Variants in MYO1E observed in about 807,000 individuals in gnomAD.
MYO1E encodes unconventional myosin-Ie.
In MYO1E, 68 loss-of-function variants were observed where a neutral mutation model predicts 151.1. That is an observed-to-expected ratio of 0.45 (90% CI 0.37 to 0.55). The LOEUF is 0.55. Among genes scored for constraint, MYO1E ranks in the 20% least tolerant of loss-of-function variants. The probability of loss-of-function intolerance (pLI) is 0.00; values close to 1 mark genes in which losing one functional copy is unlikely to be tolerated. For missense variants in MYO1E, 1,363 were observed against 1,389.3 expected (o/e 0.98, Z 0.30); for synonymous variants, 601 against 501.7 (o/e 1.20, Z -2.64).
chr15:59,358,452 C>T (rs2080867045), intron 1 of MYO1E, among the ~76,000 whole-genome samples: 1 of 152,036 alleles, frequency 6.6e-6, no homozygotes, highest in African/African-American at 2.4e-5. Flanking sequence ...GAAAAGGACA[C>T]TAGTTGGAAG....
intron 1 of MYO1E, among the ~76,000 whole-genome samples, chr15:59,312,000 A>C (rs1232048002): frequency 6.6e-6 from 1 of 152,162 alleles, no homozygotes; most frequent in African/African-American, 2.4e-5. Context: ...GGAGAAATAA[A>C]ATTCCTTTTC....
At chr15:59,278,338 C>G (rs1370555420) in intron 1 of MYO1E, among the ~76,000 whole-genome samples, 2 of 152,218 alleles carry the variant, frequency 1.3e-5, no homozygotes, top group Non-Finnish European at 1.5e-5. Flanking sequence ...GGGTAACACT[C>G]TGGCCTGCAG....
At chr15:59,209,772 C>G (rs1382439186) in intron 13 of MYO1E, among the ~76,000 whole-genome samples, 1 of 142,730 alleles carries the variant, frequency 7.0e-6, no homozygotes, top group African/African-American at 2.6e-5. Flanking sequence ...ATAAAAAAAT[C>G]CTATAGAGAT....
chr15:59,346,328 C>T (rs1437330788), intron 1 of MYO1E, among the ~76,000 whole-genome samples: 2 of 152,096 alleles, frequency 1.3e-5, no homozygotes, highest in Non-Finnish European at 2.9e-5. Context: ...AAAGAGCCTA[C>T]GAATGACGGC....
In MYO1E at chr15:59,367,004, A is replaced by C. The variant is rs1031579931; in HGVS notation, c.3+5494T>G. On this transcript the variant is annotated intron_variant, in intron 1 of 27. Transcript: ENST00000288235. ...CAAGTTGCTGCATTTTCGCAAAAAA[A>C]AAAAAAAAAAAAAAAAAAGAGATGA... Among the ~76,000 whole-genome samples, 93 of 149,136 alleles carry C rather than the reference A, an allele frequency of 6.2e-4. 1 individual carries two copies. In the East Asian group the frequency reaches 7.6e-3, roughly 12 times the overall value.
intron 1 of MYO1E, among the ~76,000 whole-genome samples, chr15:59,357,208 C>T (rs2080859244): frequency 6.6e-6 from 1 of 151,460 alleles, no homozygotes; most frequent in Non-Finnish European, 1.5e-5. Flanking sequence ...GCCTGGTCCT[C>T]TCATTAAGTT....
intron 8 of MYO1E, among the ~76,000 whole-genome samples, chr15:59,224,354 C>A (rs1340301866): frequency 6.6e-6 from 1 of 152,208 alleles, no homozygotes; most frequent in Non-Finnish European, 1.5e-5. Flanking sequence ...GTTTGCTTAG[C>A]TTTTCTAAGG....
intron 2 of MYO1E, chr15:59,266,663 C>CA (rs753635249): frequency 7.7e-6 from 1 of 130,346 alleles, no homozygotes. Flanking sequence ...TTTTGCTGTT[C>CA]TTTTTTTTTT....
chr15:59,337,811 A>G (rs1482788657), intron 1 of MYO1E, among the ~76,000 whole-genome samples: 2 of 152,276 alleles, frequency 1.3e-5, no homozygotes, highest in East Asian at 1.9e-4. Flanking sequence ...CAGCCTAGGC[A>G]ACAGAGCAAG....
At chr15:59,287,305 A>G (rs2080393068) in intron 1 of MYO1E, among the ~76,000 whole-genome samples, 1 of 152,246 alleles carries the variant, frequency 6.6e-6, no homozygotes, top group African/African-American at 2.4e-5. Flanking sequence ...CAAGCACTGC[A>G]GCATGCAGAG....
chr15:59,160,352 T>C (rs1470178485), intron 24 of MYO1E, among the ~76,000 whole-genome samples: 4 of 145,392 alleles, frequency 2.8e-5, no homozygotes, highest in African/African-American at 1.1e-4. Flanking sequence ...TGTGTGTGTG[T>C]GTGTGTGTGT....
At chr15:59,248,768 C>G (rs1364109864) in intron 4 of MYO1E, among the ~76,000 whole-genome samples, 1 of 152,086 alleles carries the variant, frequency 6.6e-6, no homozygotes, top group East Asian at 1.9e-4. Context: ...AGAGCAACAC[C>G]CTTAGTTCAT....
intron 1 of MYO1E, among the ~76,000 whole-genome samples, chr15:59,364,116 G>A (rs1315216591): frequency 1.3e-5 from 2 of 152,146 alleles, no homozygotes; most frequent in East Asian, 3.8e-4. Context: ...CCTTTGCCAT[G>A]GCAATGTCTT....
At chr15:59,282,323 G>C (rs1236293785) in intron 1 of MYO1E, among the ~76,000 whole-genome samples, 2 of 152,114 alleles carry the variant, frequency 1.3e-5, no homozygotes, top group Admixed American at 6.5e-5. Context: ...GCTCTGTCTA[G>C]ACCTCCCACC....
intron 18 of MYO1E, among the ~76,000 whole-genome samples, chr15:59,187,482 C>T (rs532644874): frequency 2.6e-5 from 4 of 152,188 alleles, no homozygotes; most frequent in Non-Finnish European, 5.9e-5. Flanking sequence ...GCTGGTGGTA[C>T]AAAATGTGAA....
chr15:59,160,336 C>CGTGTGTGTGTGTGTGT lies in MYO1E; in HGVS notation c.2785+721_2785+736dup, dbSNP rs55633634. On this transcript the variant is annotated intron_variant, in intron 24 of 27. Transcript: ENST00000288235. ...AGTTAGACTGGGGTTTGAGGTAGTG[C>CGTGTGTGTGTGTGTGT]GTGTGTGTGTGTGTGTGTGTGTGTG... 6.2e-4 allele frequency among the ~76,000 whole-genome samples: 74 copies of CGTGTGTGTGTGTGTGT among 120,154 alleles called. 1 individual carries two copies. Among genetic ancestry groups the CGTGTGTGTGTGTGTGT allele is most frequent in the African/African-American group, 2.0e-3 (67 of 32,936 alleles). The allele number at this position is 120,154 out of a possible 152,430, so 78.8% of individuals were successfully genotyped here.
intron 7 of MYO1E, among the ~76,000 whole-genome samples, chr15:59,226,009 G>A (rs2079989032): frequency 6.6e-6 from 1 of 152,180 alleles, no homozygotes; most frequent in South Asian, 2.1e-4. Context: ...CTCTATTCTG[G>A]TGGTTTCTGA....
At chr15:59,266,294 G>A (rs752369254) in intron 2 of MYO1E, among the ~76,000 whole-genome samples, 38 of 152,154 alleles carry the variant, frequency 2.5e-4, no homozygotes, top group Non-Finnish European at 4.9e-4. Flanking sequence ...AATCCTTGGT[G>A]GTGAAGGTGT....
intron 4 of MYO1E, among the ~76,000 whole-genome samples, chr15:59,242,370 C>T (rs1033553058): frequency 9.9e-5 from 15 of 152,000 alleles, no homozygotes; most frequent in Non-Finnish European, 1.5e-4. Flanking sequence ...CTGGTGTGGA[C>T]GTGTCAAGCA....
Sources: gnomAD v4.1 joint callset for allele counts (sites outside exome capture counted in the v4.1 genomes callset) on GRCh38, gnomAD v4.1.1 for gene constraint, MANE v1.5 for transcripts, NCBI Gene and HGNC (gene_info 2026-07-23, HGNC 2026-07-21) for gene names.